ADCY9: variants seen among roughly 807,000 people sequenced by gnomAD.
ADCY9 encodes the protein adenylate cyclase type 9.
In ADCY9, 50 loss-of-function variants were observed where a neutral mutation model predicts 101.5. The ratio of observed to expected loss-of-function variants is 0.49; its 90% CI spans 0.39 to 0.62. The LOEUF is 0.62. ADCY9 is among the 20% of genes least tolerant of loss of function. ADCY9 has a pLI of 0.00. For synonymous variants in ADCY9, 905 were observed against 769.3 expected (o/e 1.18, Z -2.92); for missense variants, 1,662 against 1,800.4 (o/e 0.92, Z 1.39).
Position 3,964,041 on chromosome 16 carries a change from C to G in ADCY9, c.*1734G>C, listed in dbSNP as rs2055964325. 3 of 152,396 alleles carry G rather than the reference C, an allele frequency of 2.0e-5. No individual in the cohort carries two copies. Among genetic ancestry groups the G allele is most frequent in the Admixed American group, 2.0e-4 (3 of 15,278 alleles). The allele number at this position is 152,396 out of a possible 1,614,324, so 9.4% of individuals were successfully genotyped here. On this transcript the variant is annotated 3_prime_UTR_variant, in exon 11 of 11. Transcript: ENST00000294016. ...TCTGGCTGTCCTGATGGGTGGCCAT[C>G]CCAGGCACCGCCCCTGGAGAGGTGG...
At chr16:4,046,848 T>G (rs544442516) in intron 2 of ADCY9, among the ~76,000 whole-genome samples, 4 of 149,042 alleles carry the variant, frequency 2.7e-5, no homozygotes, top group East Asian at 2.0e-4. Context: ...AAAAAAAAAG[T>G]TTTTTTTTTA....
At chr16:4,106,247 T>A (rs1443404511) in intron 2 of ADCY9, among the ~76,000 whole-genome samples, 2 of 152,180 alleles carry the variant, frequency 1.3e-5, no homozygotes, top group Admixed American at 6.5e-5. Flanking sequence ...CGGGTTGGCT[T>A]GGCTGGTGTG....
At chr16:4,075,046 G>A (rs1342738588) in intron 2 of ADCY9, among the ~76,000 whole-genome samples, 2 of 152,160 alleles carry the variant, frequency 1.3e-5, no homozygotes, top group African/African-American at 4.8e-5. Context: ...CTATGGTGGT[G>A]CATGCCTGTA....
intron 2 of ADCY9, among the ~76,000 whole-genome samples, chr16:4,082,368 C>T (rs1241222988): frequency 6.6e-6 from 1 of 152,244 alleles, no homozygotes; most frequent in East Asian, 1.9e-4. Flanking sequence ...CAGAACAGGA[C>T]CCTGTCTCAA....
chr16:3,982,481 GC>G lies in ADCY9; in HGVS notation c.2519+750del, dbSNP rs557638979. On this transcript the variant is annotated intron_variant, in intron 7 of 10. Coordinates refer to ENST00000294016, the MANE Select transcript of ADCY9 (RefSeq NM_001116.4). ...GTGCCCAGGACGGGGACCACACAGG[GC>G]CACCTTCCTGCTCAGGAATACAGAG... The G allele has an allele frequency of 2.0e-5, 3 of 152,310 alleles. No homozygotes were observed. The South Asian group carries it at 6.2e-4, about 32-fold the overall frequency. The allele number at this position is 152,310 out of a possible 1,614,324, so 9.4% of individuals were successfully genotyped here.
intron 5 of ADCY9, among the ~76,000 whole-genome samples, chr16:3,954,014 A>G (rs2055894678): frequency 1.3e-5 from 2 of 152,236 alleles, no homozygotes. Context: ...TAAAATGCCT[A>G]CAAAGCGTGA....
At chr16:4,017,285 C>A (rs1283804917) in intron 2 of ADCY9, among the ~76,000 whole-genome samples, 1 of 150,244 alleles carries the variant, frequency 6.7e-6, no homozygotes, top group Non-Finnish European at 1.5e-5. Context: ...AAGAAATACA[C>A]CCTCCCTGAG....
downstream of ADCY9, among the ~76,000 whole-genome samples, chr16:3,962,129 G>T (rs958040648): frequency 3.3e-5 from 5 of 152,210 alleles, no homozygotes; most frequent in Admixed American, 2.0e-4. Flanking sequence ...ATGCGGGAGT[G>T]TGGTGAACTC....
At chr16:4,048,702 T>C (rs1024908597) in intron 2 of ADCY9, among the ~76,000 whole-genome samples, 9 of 152,136 alleles carry the variant, frequency 5.9e-5, no homozygotes, top group African/African-American at 1.9e-4. Context: ...AGAGCTGCCA[T>C]TTCTGCCCTT....
chr16:4,115,683 G>T lies in ADCY9; in HGVS notation c.-44+7C>A. 1.9e-6 allele frequency: 1 copy of T among 528,574 alleles called. No individual in the cohort carries two copies. Among genetic ancestry groups the T allele is most frequent in the Non-Finnish European group, 3.3e-6 (1 of 305,958 alleles). 32.7% of individuals were successfully genotyped at this position (528,574 alleles called of 1,614,324 possible). ...TTCGAGGCGCACGAGAACCGCTCGGGACGGACCTAGAACGCCCGGGGGTCC... is the reference window on the plus strand; with the variant it reads ...TTCGAGGCGCACGAGAACCGCTCGGTACGGACCTAGAACGCCCGGGGGTCC... On this transcript the variant is annotated splice_region_variant and intron_variant, in intron 1 of 10. Coordinates refer to ENST00000294016, the MANE Select transcript of ADCY9 (RefSeq NM_001116.4). This position sits in a 1 kb window ranked among gnomAD's most constrained non-coding sequence, Gnocchi z 6.2.
At chr16:4,046,735 G>C (rs1340594053) in intron 2 of ADCY9, among the ~76,000 whole-genome samples, 1 of 152,086 alleles carries the variant, frequency 6.6e-6, no homozygotes, top group Non-Finnish European at 1.5e-5. Flanking sequence ...CTCACATATC[G>C]AGGTGACATG....
intron 2 of ADCY9, among the ~76,000 whole-genome samples, chr16:4,088,257 C>T (rs1203039225): frequency 6.6e-6 from 1 of 152,042 alleles, no homozygotes; most frequent in Non-Finnish European, 1.5e-5. Context: ...TAAACTCACA[C>T]AGTTCTGAAG....
At chr16:4,003,176 T>C (rs2056342595) in intron 3 of ADCY9, among the ~76,000 whole-genome samples, 1 of 152,184 alleles carries the variant, frequency 6.6e-6, no homozygotes, top group Non-Finnish European at 1.5e-5. Flanking sequence ...CATGCTCCCG[T>C]GTCATACAAG....
chr16:4,103,712 T>C (rs1278513735), intron 2 of ADCY9, among the ~76,000 whole-genome samples: 1 of 151,956 alleles, frequency 6.6e-6, no homozygotes, highest in African/African-American at 2.4e-5. Flanking sequence ...CATCTGTAAA[T>C]CCCAGCTACT....
At chr16:4,082,390 CAAACA>C (rs1567140966) in intron 2 of ADCY9, among the ~76,000 whole-genome samples, 1 of 152,028 alleles carries the variant, frequency 6.6e-6, no homozygotes, top group Non-Finnish European at 1.5e-5. Context: ...AGAAAAAAAA[CAAACA>C]AAATTCTATG....
intron 2 of ADCY9, among the ~76,000 whole-genome samples, chr16:4,048,580 C>G (rs146096041): frequency 1.3e-5 from 2 of 152,148 alleles, no homozygotes; most frequent in East Asian, 3.8e-4. Flanking sequence ...ATGAAACGGA[C>G]GTCAGTACCC....
At chr16:4,056,367 C>A (rs1340628788) in intron 2 of ADCY9, among the ~76,000 whole-genome samples, 1 of 152,202 alleles carries the variant, frequency 6.6e-6, no homozygotes, top group East Asian at 1.9e-4. Context: ...GATTCTCCTG[C>A]CTCAGCCTCC....
chr16:4,069,598 T>A (rs889517254), intron 2 of ADCY9, among the ~76,000 whole-genome samples: 5 of 152,256 alleles, frequency 3.3e-5, no homozygotes, highest in African/African-American at 9.6e-5. Flanking sequence ...TCATCACCAA[T>A]TTGGCTGCTG....
intron 2 of ADCY9, among the ~76,000 whole-genome samples, chr16:4,073,104 C>T (rs931720612): frequency 6.6e-6 from 1 of 151,060 alleles, no homozygotes; most frequent in African/African-American, 2.4e-5. Context: ...TAAACATTTT[C>T]TTTTTTTTCA....
Sources: allele counts gnomAD v4.1 joint callset (sites outside exome capture counted in the v4.1 genomes callset), GRCh38; gene constraint gnomAD v4.1.1; non-coding constraint Gnocchi (gnomAD v3.1); transcripts MANE v1.5; gene names NCBI Gene and HGNC (gene_info 2026-07-23, HGNC 2026-07-21).